SCOC: variants seen among roughly 807,000 people sequenced by gnomAD.
SCOC encodes the protein short coiled coil protein.
In SCOC, 7 loss-of-function variants were observed where a neutral mutation model predicts 9.9. The observed-to-expected ratio is 0.71, with a 90% CI of 0.40 to 1.33. The LOEUF is 1.33. Among genes scored for constraint, SCOC ranks in the 40% most tolerant of loss-of-function variants. SCOC has a pLI of 0.01. For missense variants in SCOC, 66 were observed against 89.7 expected, an observed-to-expected ratio of 0.74 and a Z score of 1.07; for synonymous variants, 19 against 28.2, an observed-to-expected ratio of 0.67 and a Z score of 1.03.
intron 1 of SCOC, among the ~76,000 whole-genome samples, chr4:140,294,607 G>A (rs1041594993): frequency 2.0e-5 from 3 of 152,142 alleles, no homozygotes; most frequent in Admixed American, 6.5e-5. Context: ...TTAGTGACCC[G>A]TGCTCTGTTT....
chr4:140,334,072 C>T (rs1732890848), intron 1 of SCOC, among the ~76,000 whole-genome samples: 1 of 152,056 alleles, frequency 6.6e-6, no homozygotes. Context: ...CATGCCATCA[C>T]GCCCAGCTAA....
intron 1 of SCOC, among the ~76,000 whole-genome samples, chr4:140,338,116 C>T (rs1733011676): frequency 1.3e-5 from 2 of 152,214 alleles, no homozygotes. Context: ...AAGTGGGCTT[C>T]ATCCCTGGGA....
At chr4:140,312,078 A>G (rs1732174181) in intron 1 of SCOC, among the ~76,000 whole-genome samples, 1 of 152,218 alleles carries the variant, frequency 6.6e-6, no homozygotes, top group African/African-American at 2.4e-5. Context: ...AAAATTAGAA[A>G]TACGACTTCT....
intron 1 of SCOC, among the ~76,000 whole-genome samples, chr4:140,270,607 C>T (rs1730821855): frequency 6.6e-6 from 1 of 152,078 alleles, no homozygotes; most frequent in Non-Finnish European, 1.5e-5. Flanking sequence ...TAGGGTCTAC[C>T]CCTCATTGCC....
At chr4:140,303,066 A>G (rs912326533) in intron 1 of SCOC, among the ~76,000 whole-genome samples, 2 of 152,218 alleles carry the variant, frequency 1.3e-5, no homozygotes, top group Admixed American at 6.5e-5. Flanking sequence ...TGCTGGGACT[A>G]CATGGGATGT....
At chr4:140,263,712 T>C (rs1173310411) in intron 1 of SCOC, among the ~76,000 whole-genome samples, 3 of 152,076 alleles carry the variant, frequency 2.0e-5, no homozygotes, top group South Asian at 2.1e-4. Flanking sequence ...TTAGTTATCA[T>C]ATCACCCCGA....
intron 1 of SCOC, among the ~76,000 whole-genome samples, chr4:140,277,321 G>A (rs976936028): frequency 1.3e-5 from 2 of 152,110 alleles, no homozygotes; most frequent in Non-Finnish European, 2.9e-5. Context: ...AGTTGGGGGG[G>A]GCAGGGGGTA....
chr4:140,316,340 TTC>T (rs758427429), intron 1 of SCOC, among the ~76,000 whole-genome samples: 2 of 148,650 alleles, frequency 1.3e-5, no homozygotes, highest in Admixed American at 6.7e-5. Context: ...CTAGGGATTT[TTC>T]TCTCTTAGCC....
chr4:140,327,319 A>G, intron 1 of SCOC, among the ~76,000 whole-genome samples: 1 of 152,156 alleles, frequency 6.6e-6, no homozygotes, highest in East Asian at 1.9e-4. Flanking sequence ...GATAGGAGGA[A>G]GATGCAAACA....
intron 1 of SCOC, among the ~76,000 whole-genome samples, chr4:140,296,744 G>C (rs115907099): frequency 1.3e-5 from 2 of 151,958 alleles, no homozygotes; most frequent in Non-Finnish European, 2.9e-5. Flanking sequence ...TGTCTGAAGA[G>C]AGGCTACTCA....
chr4:140,282,325 T>C (rs767026059), intron 1 of SCOC, among the ~76,000 whole-genome samples: 32 of 152,252 alleles, frequency 2.1e-4, no homozygotes, highest in Non-Finnish European at 2.9e-4. Context: ...CAGGGGAAGA[T>C]TCCATAATGA....
intron 1 of SCOC, among the ~76,000 whole-genome samples, chr4:140,337,167 A>AT (rs898929740): frequency 7.9e-5 from 12 of 152,126 alleles, no homozygotes; most frequent in African/African-American, 2.7e-4. Flanking sequence ...ATTTGCAAAT[A>AT]TTTTTTCCCA....
At position 140,383,897 on chromosome 4, in the gene SCOC, T is replaced by A. The variant is rs949205539; in HGVS notation, c.*2793T>A. On this transcript the variant is annotated 3_prime_UTR_variant, in exon 4 of 4. Transcript: ENST00000608372. ...TTCTTTAATGGAGGCTATCTTGAGA[T>A]CAACTAAAAATAAGATTACACTGGG... The A allele has an allele frequency of 6.6e-6, 1 of 152,216 alleles. No individual in the cohort carries two copies. The highest frequency in any genetic ancestry group is 1.5e-5 in the Non-Finnish European group (1 of 68,056). The allele number at this position is 152,216 out of a possible 1,614,324, so 9.4% of individuals were successfully genotyped here.
chr4:140,357,249 C>T (rs1318854329), intron 2 of SCOC, among the ~76,000 whole-genome samples: 8 of 152,142 alleles, frequency 5.3e-5, no homozygotes, highest in Admixed American at 2.0e-4. Context: ...GCTGGGATTA[C>T]GGGTGTGAGC....
At chr4:140,285,092 G>A in intron 1 of SCOC, 1 of 441,178 alleles carries the variant, frequency 2.3e-6, no homozygotes, top group Non-Finnish European at 4.6e-6. Context: ...AACAGATGAG[G>A]AAACTGAGGC....
intron 1 of SCOC, among the ~76,000 whole-genome samples, chr4:140,273,470 C>T (rs576119686): frequency 8.7e-5 from 13 of 149,894 alleles, no homozygotes; most frequent in African/African-American, 3.2e-4. Flanking sequence ...CTGTATTTGG[C>T]CTAATTTTCT....
rs909664771 is a variant in SCOC at position 140,361,596 on chromosome 4, C to A, written c.71-17525C>A. On this transcript the variant is annotated intron_variant, in intron 2 of 4. Coordinates refer to the SCOC transcript ENST00000338517. ...ATCACTTGAGCCCAGGAAGTTGAGG[C>A]TGCAGTGAGCCATGACTGTGCCACT... 3.3e-5 allele frequency among the ~76,000 whole-genome samples: 5 copies of A among 152,152 alleles called. No homozygotes were observed. The South Asian group carries it at 8.3e-4, about 25-fold the overall frequency.
At chr4:140,373,801 G>A in intron 1 of SCOC, 84 bp downstream of exon 1, 1 of 1,404,918 alleles carries the variant, frequency 7.1e-7, no homozygotes, top group Non-Finnish European at 9.7e-7. Context: ...CTGGAGGGCG[G>A]GGCGGGCTGG....
At chr4:140,374,167 G>GACT (rs1342688478) in intron 1 of SCOC, 1 of 459,762 alleles carries the variant, frequency 2.2e-6, no homozygotes, top group Non-Finnish European at 4.4e-6. Flanking sequence ...AGGGAGCCTA[G>GACT]AGAGCCGTAA....
Sources: gnomAD v4.1 joint callset for allele counts (sites outside exome capture counted in the v4.1 genomes callset) on GRCh38, gnomAD v4.1.1 for gene constraint, MANE v1.5 for transcripts, NCBI Gene and HGNC (gene_info 2026-07-23, HGNC 2026-07-21) for gene names.